MACROD2: variants seen among roughly 807,000 people sequenced by gnomAD.
MACROD2 encodes the protein ADP-ribose glycohydrolase MACROD2.
Under a neutral mutation model 70.4 loss-of-function variants are expected in MACROD2, and 36 were observed. That is an observed-to-expected ratio of 0.51 (90% CI 0.39 to 0.68). The LOEUF (loss-of-function observed/expected upper bound fraction) is 0.68. MACROD2 is among the 30% of genes least tolerant of loss of function. MACROD2 has a pLI of 0.00. For missense variants in MACROD2, 496 were observed against 538.4 expected, an observed-to-expected ratio of 0.92 and a Z score of 0.78; for synonymous variants, 172 against 178.8, an observed-to-expected ratio of 0.96 and a Z score of 0.30.
intron 6 of MACROD2, among the ~76,000 whole-genome samples, chr20:15,235,349 A>G (rs553693342): frequency 4.4e-4 from 67 of 152,324 alleles, no homozygotes; most frequent in African/African-American, 1.6e-3. Context: ...TTCCACAAGC[A>G]TCATGCTAGA....
chr20:15,322,533 G>C (rs2077884047), intron 6 of MACROD2, among the ~76,000 whole-genome samples: 1 of 144,304 alleles, frequency 6.9e-6, no homozygotes, highest in Non-Finnish European at 1.6e-5. Flanking sequence ...AGGTAGTTAA[G>C]TGAAAGAATG....
chr20:15,993,111 A>G (rs2066579953), intron 15 of MACROD2, among the ~76,000 whole-genome samples: 1 of 152,216 alleles, frequency 6.6e-6, no homozygotes, highest in African/African-American at 2.4e-5. Flanking sequence ...AAATTTTCAG[A>G]AAGATAAAAT....
chr20:15,288,997 G>T (rs1405249516), intron 6 of MACROD2, among the ~76,000 whole-genome samples: 3 of 152,070 alleles, frequency 2.0e-5, no homozygotes, highest in Admixed American at 6.6e-5. Flanking sequence ...CACATCAAGG[G>T]TCTGGTTGGT....
intron 3 of MACROD2, among the ~76,000 whole-genome samples, chr20:14,248,668 A>C (rs117077289): frequency 5.9e-4 from 89 of 151,840 alleles, no homozygotes; most frequent in Non-Finnish European, 1.1e-3. Context: ...GCATAAATAG[A>C]TTTTGGGTTT....
At chr20:15,155,805 A>G (rs995075198) in intron 5 of MACROD2, among the ~76,000 whole-genome samples, 2 of 152,098 alleles carry the variant, frequency 1.3e-5, no homozygotes, top group Non-Finnish European at 2.9e-5. Flanking sequence ...CCTTAGAACT[A>G]TAATCTCTGT....
At chr20:15,256,938 A>G (rs1351525093) in intron 6 of MACROD2, among the ~76,000 whole-genome samples, 2 of 151,968 alleles carry the variant, frequency 1.3e-5, no homozygotes, top group Non-Finnish European at 2.9e-5. Flanking sequence ...GGAAAAAAAA[A>G]TTATTCTGCA....
chr20:14,520,334 A>C (rs1016895236), intron 4 of MACROD2, among the ~76,000 whole-genome samples: 2 of 151,972 alleles, frequency 1.3e-5, no homozygotes, highest in African/African-American at 4.8e-5. Flanking sequence ...AAGAAAGAAA[A>C]CTCAAGAAAA....
intron 2 of MACROD2, among the ~76,000 whole-genome samples, chr20:14,070,632 T>A (rs914273140): frequency 3.9e-5 from 6 of 152,180 alleles, no homozygotes; most frequent in African/African-American, 1.4e-4. Context: ...TTGATTTAAA[T>A]CTGTATCCAC....
chr20:14,674,625 A>G (rs1280081329), intron 4 of MACROD2, among the ~76,000 whole-genome samples: 2 of 152,136 alleles, frequency 1.3e-5, no homozygotes, highest in East Asian at 3.9e-4. Context: ...TCGTAACACT[A>G]CCTCTAAAAA....
At chr20:14,385,442 G>T (rs1347735991) in intron 3 of MACROD2, among the ~76,000 whole-genome samples, 1 of 151,296 alleles carries the variant, frequency 6.6e-6, no homozygotes, top group East Asian at 1.9e-4. Context: ...ATTTAAAAAA[G>T]TATCAACGTC....
chr20:14,577,875 C>T (rs1395617311), intron 4 of MACROD2, among the ~76,000 whole-genome samples: 1 of 128,506 alleles, frequency 7.8e-6, no homozygotes, highest in African/African-American at 2.7e-5. Flanking sequence ...AGTTAGAATT[C>T]AGAAAAAATT....
chr20:14,781,553 A>G (rs1483520509), intron 5 of MACROD2, among the ~76,000 whole-genome samples: 6 of 150,504 alleles, frequency 4.0e-5, no homozygotes, highest in African/African-American at 1.5e-4. Flanking sequence ...TCTGAAGGAA[A>G]ACCTTACAGA....
At chr20:15,953,695 C>T (rs1249396039) in intron 12 of MACROD2, among the ~76,000 whole-genome samples, 1 of 152,074 alleles carries the variant, frequency 6.6e-6, no homozygotes, top group Admixed American at 6.6e-5. Flanking sequence ...TTTTTAAAGT[C>T]AGTGATGCCT....
At chr20:15,042,359 A>T (rs2075362715) in intron 5 of MACROD2, among the ~76,000 whole-genome samples, 1 of 152,186 alleles carries the variant, frequency 6.6e-6, no homozygotes, top group African/African-American at 2.4e-5. Flanking sequence ...CAGTAATATA[A>T]AAATAATGGT....
chr20:14,017,799 G>A (rs989221181), intron 2 of MACROD2, among the ~76,000 whole-genome samples: 2 of 152,034 alleles, frequency 1.3e-5, no homozygotes, highest in Admixed American at 6.6e-5. Flanking sequence ...GGGTAATGCT[G>A]GCTATAAGGA....
At chr20:15,463,414 A>G (rs1316517956) in intron 7 of MACROD2, among the ~76,000 whole-genome samples, 1 of 152,212 alleles carries the variant, frequency 6.6e-6, no homozygotes, top group South Asian at 2.1e-4. Context: ...ATGACCACTA[A>G]TATCTAGATA....
At chr20:14,400,039 G>T (rs2083621090) in intron 3 of MACROD2, among the ~76,000 whole-genome samples, 1 of 134,966 alleles carries the variant, frequency 7.4e-6, no homozygotes, top group African/African-American at 2.8e-5. Flanking sequence ...TCTGTCCTAA[G>T]TATTTGTATT....
intron 3 of MACROD2, among the ~76,000 whole-genome samples, chr20:14,439,208 CTG>C (rs1314349385): frequency 6.6e-6 from 1 of 152,032 alleles, no homozygotes; most frequent in Non-Finnish European, 1.5e-5. Context: ...AATTTGTTGA[CTG>C]TGTAAGTTCG....
At chr20:14,412,393 T>C (rs2083759665) in intron 3 of MACROD2, among the ~76,000 whole-genome samples, 1 of 151,896 alleles carries the variant, frequency 6.6e-6, no homozygotes, top group East Asian at 2.0e-4. Context: ...TTCCCCCAAA[T>C]AGGCTGTTTT....
Sources: allele counts gnomAD v4.1 joint callset (sites outside exome capture counted in the v4.1 genomes callset), GRCh38; gene constraint gnomAD v4.1.1; transcripts MANE v1.5; gene names NCBI Gene and HGNC (gene_info 2026-07-23, HGNC 2026-07-21).